Variants in SCUBE3 observed in about 807,000 individuals in gnomAD.
SCUBE3 encodes signal peptide, CUB and EGF-like domain-containing protein 3.
Under a neutral mutation model 116.8 loss-of-function variants are expected in SCUBE3, and 33 were observed. That is an observed-to-expected ratio of 0.28 (90% CI 0.21 to 0.38). SCUBE3 has a LOEUF of 0.38. Ranked by LOEUF, SCUBE3 falls within the 10% of genes least tolerant of loss-of-function variation. The pLI, the probability that SCUBE3 is intolerant of heterozygous loss-of-function variation, is 1.00. For synonymous variants in SCUBE3, 418 were observed against 496.9 expected (o/e 0.84, Z 2.11); for missense variants, 1,007 against 1,324.8 (o/e 0.76, Z 3.72).
At chr6:35,227,809 C>T (rs1783388246) in intron 2 of SCUBE3, 107 bp downstream of exon 2, 1 of 1,196,816 alleles carries the variant, frequency 8.4e-7, no homozygotes, top group Admixed American at 1.9e-5. Context: ...AGAAATTCCA[C>T]TGGTCAAGTG....
Position 35,231,905 on chromosome 6 carries a change from T to G in SCUBE3, c.469+46T>G. 1 of 1,552,548 alleles carries G rather than the reference T, an allele frequency of 6.4e-7. No individual in the cohort carries two copies. Among genetic ancestry groups the G allele is most frequent in the South Asian group, 1.2e-5 (1 of 86,124 alleles). ...GGCCCCATCCCTGCCCTCCCCAGGCTTCTCTTCCCAGCTGTCCCTCAGCAG... is the reference window on the plus strand; with the variant it reads ...GGCCCCATCCCTGCCCTCCCCAGGCGTCTCTTCCCAGCTGTCCCTCAGCAG... On this transcript the variant is annotated intron_variant, in intron 4 of 21. Coordinates refer to ENST00000274938, the MANE Select transcript of SCUBE3 (RefSeq NM_152753.4). This position sits in a 1 kb window ranked among gnomAD's most constrained non-coding sequence, Gnocchi z 4.2.
At chr6:35,230,417 G>A (rs1783496562) in intron 3 of SCUBE3, among the ~76,000 whole-genome samples, 1 of 152,202 alleles carries the variant, frequency 6.6e-6, no homozygotes, top group Non-Finnish European at 1.5e-5. Flanking sequence ...TAGGGTTAGG[G>A]TTCAAAGTCT....
At chr6:35,221,346 G>GT (rs1783110576) in intron 1 of SCUBE3, 1 of 152,114 alleles carries the variant, frequency 6.6e-6, no homozygotes, top group African/African-American at 2.4e-5. Flanking sequence ...TCTGAATTTA[G>GT]TTTCCTCTCT....
At chr6:35,242,573 G>A (rs1784120120) in intron 13 of SCUBE3, 49 bp from the exon 14 acceptor site, 4 of 1,565,466 alleles carry the variant, frequency 2.6e-6, no homozygotes, top group African/African-American at 1.4e-5. Context: ...GGCTGGGAGT[G>A]AGAACTTTCC....
intron 1 of SCUBE3, among the ~76,000 whole-genome samples, chr6:35,216,672 A>G (rs1312495453): frequency 2.6e-5 from 4 of 152,190 alleles, no homozygotes; most frequent in East Asian, 1.9e-4. Context: ...ACCTTCAAAC[A>G]TATCTCCTGG....
In SCUBE3 at chr6:35,232,715, G is replaced by C; in HGVS notation, c.470-135G>C. 2.4e-6 allele frequency: 2 copies of C among 818,188 alleles called. No individual in the cohort carries two copies. Among genetic ancestry groups the C allele is most frequent in the Non-Finnish European group, 3.9e-6 (2 of 506,482 alleles). 50.7% of individuals were successfully genotyped at this position (818,188 alleles called of 1,614,324 possible). On this transcript the variant is annotated intron_variant, in intron 4 of 21. Transcript: ENST00000274938. This position sits in a 1 kb window ranked among gnomAD's most constrained non-coding sequence, Gnocchi z 4.2. Reference sequence around the variant, plus strand: ...GAAGACAGGAGGCCTGGGACAAGGAGAGTCAGTCCCCTCGTGTTGAATTCA... The same window carrying C: ...GAAGACAGGAGGCCTGGGACAAGGACAGTCAGTCCCCTCGTGTTGAATTCA...
intron 6 of SCUBE3, among the ~76,000 whole-genome samples, chr6:35,236,019 A>G (rs538086555): frequency 1.2e-4 from 18 of 152,304 alleles, no homozygotes; most frequent in African/African-American, 4.1e-4. Context: ...CCTGAGTTTG[A>G]ATCCTGGCTC....
chr6:35,224,164 C>G (rs146492121), intron 1 of SCUBE3: 2 of 152,086 alleles, frequency 1.3e-5, no homozygotes, highest in African/African-American at 4.8e-5. Context: ...AACGAAAATA[C>G]GCAAATGCAT....
rs149626853 is a variant in SCUBE3, at chr6:35,232,913, G to T, written c.533G>T (p.Gly178Val). 4.3e-6 allele frequency: 7 copies of T among 1,614,168 alleles called. No homozygotes were observed. The highest frequency in any genetic ancestry group is 2.2e-5 in the East Asian group (1 of 44,886). Reference protein sequence around the residue: ...CAHICRETPKGGIACECRPGF... With the variant: ...CAHICRETPKVGIACECRPGF... ...CACATTTGCCGGGAGACACCCAAGG[G>T]GGGTATTGCCTGTGAATGCCGTCCT... is the stretch of plus-strand genomic sequence containing the variant. Residue 178 changes from glycine (G) to valine (V), a missense_variant, in exon 5 of 22, where the codon GGG (glycine) becomes GTG (valine). By Grantham distance (109) the Gly-to-Val change is moderately radical. This residue lies in a region of SCUBE3 where 214 missense variants were observed against 316.7 expected (regional missense o/e 0.68). Transcript: ENST00000274938. The surrounding 1 kb of genome is among the most constrained non-coding windows in gnomAD (Gnocchi z 4.2).
In SCUBE3 at chr6:35,239,089, GC is replaced by G. The variant is rs1230256927; in HGVS notation, c.830-657del. Among the ~76,000 whole-genome samples, 14 of 152,116 alleles carry G rather than the reference GC, an allele frequency of 9.2e-5. No individual in the cohort carries two copies. Among genetic ancestry groups the G allele is most frequent in the Non-Finnish European group, 2.9e-5 (2 of 67,974 alleles). ...ACCTCAGGAAGGAAGCCATTCACCAGCCCCCCTTTCCCTTACTAGTGCTGAA... is the reference window on the plus strand; with the variant it reads ...ACCTCAGGAAGGAAGCCATTCACCAGCCCCCTTTCCCTTACTAGTGCTGAA... On this transcript the variant is annotated intron_variant, in intron 7 of 21. Coordinates refer to ENST00000274938, the MANE Select transcript of SCUBE3 (RefSeq NM_152753.4). This position sits in a 1 kb window ranked among gnomAD's most constrained non-coding sequence, Gnocchi z 4.1.
At position 35,243,209 on chromosome 6, in the gene SCUBE3, G is replaced by A. The variant is rs756887936; in HGVS notation, c.1882G>A (p.Gly628Arg). The A allele has an allele frequency of 1.1e-5, 17 of 1,613,904 alleles. No homozygotes were observed. The highest frequency in any genetic ancestry group is 9.3e-5 in the African/African-American group (7 of 74,942). Residue 628 changes from glycine (G) to arginine (R), a missense_variant, in exon 15 of 22, where the codon GGG becomes AGG. Gly to Arg is a moderately radical substitution (Grantham distance 125). Transcript: ENST00000274938. This position sits in a 1 kb window ranked among gnomAD's most constrained non-coding sequence, Gnocchi z 6.6. ...AGAGCCGATGGAGTCCTGTAGGCCC[G>A]GGCAGCACCGTGCTGGGACCAAGTG... ...RAEPMESCRP[G>R]QHRAGTKCVS...
At chr6:35,230,047 G>A (rs1218923346) in intron 3 of SCUBE3, among the ~76,000 whole-genome samples, 1 of 152,060 alleles carries the variant, frequency 6.6e-6, no homozygotes, top group South Asian at 2.1e-4. Context: ...TTGGACCCAG[G>A]CTATAGGTTT....
Position 35,243,208 on chromosome 6 carries a change from C to T in SCUBE3, c.1881C>T (p.Pro627=), listed in dbSNP as rs751111285. ...ERAEPMESCR[P]GQHRAGTKCV... is the part of the protein sequence containing the mutation. ...CAGAGCCGATGGAGTCCTGTAGGCC[C>T]GGGCAGCACCGTGCTGGGACCAAGT... Residue 627 remains proline, a synonymous_variant, in exon 15 of 22, where the codon CCC becomes CCT. Coordinates refer to ENST00000274938, the MANE Select transcript of SCUBE3 (RefSeq NM_152753.4). The surrounding 1 kb of genome is among the most constrained non-coding windows in gnomAD (Gnocchi z 6.6). 1.2e-5 allele frequency: 19 copies of T among 1,613,948 alleles called. No homozygotes were observed. Among genetic ancestry groups the T allele is most frequent in the African/African-American group, 1.3e-5 (1 of 74,942 alleles).
chr6:35,214,316 C>A lies in SCUBE3; in HGVS notation c.-103C>A. 1.6e-6 allele frequency: 1 copy of A among 613,410 alleles called. No homozygotes were observed. The highest frequency in any genetic ancestry group is 2.4e-6 in the Non-Finnish European group (1 of 422,416). 38.0% of individuals were successfully genotyped at this position (613,410 alleles called of 1,614,324 possible). ...AGCCCCCGGCCTGGCCCCGGCGGGGCGCCCCCTCCCCTCCCCCTCCTGCGA... is the reference window on the plus strand; with the variant it reads ...AGCCCCCGGCCTGGCCCCGGCGGGGAGCCCCCTCCCCTCCCCCTCCTGCGA... On this transcript the variant is annotated 5_prime_UTR_variant, in exon 1 of 22. Transcript: ENST00000274938. The surrounding 1 kb of genome is among the most constrained non-coding windows in gnomAD (Gnocchi z 6.3).
chr6:35,234,065 CCCTAGATGAGTTTAAT>C (rs1439079828), intron 6 of SCUBE3, among the ~76,000 whole-genome samples: 2 of 152,152 alleles, frequency 1.3e-5, no homozygotes, highest in African/African-American at 4.8e-5. Context: ...TTTTCAGGTA[CCCTAGATGAGTTTAAT>C]TCCTTAAAGT....
At chr6:35,248,352 G>T (rs1784436236) in intron 21 of SCUBE3, among the ~76,000 whole-genome samples, 4 of 152,180 alleles carry the variant, frequency 2.6e-5, no homozygotes, top group Admixed American at 2.6e-4. Flanking sequence ...TGGGGCCTAA[G>T]CAACAGAAGG....
At position 35,231,681 on chromosome 6, in the gene SCUBE3, C is replaced by T. The variant is rs371592488; in HGVS notation, c.335-44C>T. ...TGAAGTCTTGGGATATACCCTGGACCCTGCCTGTACCCCATGACCCCACTG... is the reference window on the plus strand; with the variant it reads ...TGAAGTCTTGGGATATACCCTGGACTCTGCCTGTACCCCATGACCCCACTG... On this transcript the variant is annotated intron_variant, in intron 3 of 21. Coordinates refer to ENST00000274938, the MANE Select transcript of SCUBE3 (RefSeq NM_152753.4). This position sits in a 1 kb window ranked among gnomAD's most constrained non-coding sequence, Gnocchi z 4.2. 370 of 1,562,932 alleles carry T rather than the reference C, an allele frequency of 2.4e-4. No individual in the cohort carries two copies. The highest frequency in any genetic ancestry group is 3.0e-4 in the Non-Finnish European group (346 of 1,145,356).
rs1581922781 is a variant in SCUBE3 at position 35,231,107 on chromosome 6, T to C, written c.335-618T>C. ...CAGACTTTGTTTTGTTAAGCCAAAA[T>C]AGGAGAAAGGCTAGGGAATATGGCA... On this transcript the variant is annotated intron_variant, in intron 3 of 21. Coordinates refer to ENST00000274938, the MANE Select transcript of SCUBE3 (RefSeq NM_152753.4). The surrounding 1 kb of genome is among the most constrained non-coding windows in gnomAD (Gnocchi z 4.2). 6.6e-6 allele frequency among the ~76,000 whole-genome samples: 1 copy of C among 151,456 alleles called. No individual in the cohort carries two copies. Among genetic ancestry groups the C allele is most frequent in the African/African-American group, 2.4e-5 (1 of 41,212 alleles).
intron 1 of SCUBE3, among the ~76,000 whole-genome samples, chr6:35,216,282 C>T (rs1174966614): frequency 1.3e-5 from 2 of 152,232 alleles, no homozygotes; most frequent in African/African-American, 4.8e-5. Context: ...TTTCATTGGA[C>T]TCCCTGCTGG....
Sources: gnomAD v4.1 joint callset for allele counts (sites outside exome capture counted in the v4.1 genomes callset) on GRCh38, gnomAD v4.1.1 for gene constraint, gnomAD v4.1.1 regional missense constraint, Gnocchi (gnomAD v3.1) non-coding constraint, MANE v1.5 for transcripts, NCBI Gene and HGNC (gene_info 2026-07-23, HGNC 2026-07-21) for gene names.